The following CDH12 variants were observed in gnomAD, a reference collection of about 807,000 sequenced individuals.
The protein encoded by CDH12 is cadherin-12.
Under a neutral mutation model 74.1 loss-of-function variants are expected in CDH12, and 41 were observed. The observed-to-expected ratio is 0.55, with a 90% CI of 0.43 to 0.72. The LOEUF is 0.72. Ranked by LOEUF, CDH12 falls within the 30% of genes least tolerant of loss-of-function variation. CDH12 has a pLI of 0.00. For missense variants in CDH12, 945 were observed against 977.2 expected (o/e 0.97, Z 0.44); for synonymous variants, 399 against 355.0 (o/e 1.12, Z -1.39).
At chr5:22,648,198 T>C (rs1379630525) in intron 1 of CDH12, among the ~76,000 whole-genome samples, 3 of 151,958 alleles carry the variant, frequency 2.0e-5, no homozygotes, top group South Asian at 4.1e-4. Context: ...CGTTGGCAAT[T>C]CCAACACATC....
intron 1 of CDH12, among the ~76,000 whole-genome samples, chr5:22,643,292 C>A (rs1739247149): frequency 6.6e-6 from 1 of 152,192 alleles, no homozygotes; most frequent in Middle Eastern, 3.4e-3. Flanking sequence ...TGTCGACTTA[C>A]TATTGTGATT....
chr5:22,280,043 T>C (rs1176669844), intron 3 of CDH12, among the ~76,000 whole-genome samples: 1 of 152,130 alleles, frequency 6.6e-6, no homozygotes, highest in Non-Finnish European at 1.5e-5. Context: ...CACCTGTTGT[T>C]TCCTGACTTT....
chr5:22,601,491 G>C (rs774738377), intron 1 of CDH12, among the ~76,000 whole-genome samples: 3 of 152,024 alleles, frequency 2.0e-5, no homozygotes, highest in Non-Finnish European at 4.4e-5. Flanking sequence ...AATAAACTAT[G>C]AAATAGTAGA....
intron 9 of CDH12, among the ~76,000 whole-genome samples, chr5:21,813,998 A>G (rs1459092568): frequency 6.6e-6 from 1 of 152,150 alleles, no homozygotes; most frequent in Admixed American, 6.6e-5. Context: ...CCCTATCTCC[A>G]TAGTGGAGTC....
chr5:22,480,446 TG>T (rs997460776), intron 2 of CDH12, among the ~76,000 whole-genome samples: 1 of 151,622 alleles, frequency 6.6e-6, no homozygotes, highest in African/African-American at 2.4e-5. Context: ...GAGCCAGACA[TG>T]GTGGTGCATG....
chr5:22,781,452 C>A (rs755768114), intron 1 of CDH12, among the ~76,000 whole-genome samples: 2 of 152,102 alleles, frequency 1.3e-5, no homozygotes, highest in Non-Finnish European at 2.9e-5. Flanking sequence ...TATTTCATTT[C>A]TTTGGCTCTG....
At chr5:22,252,484 C>T (rs955920668) in intron 3 of CDH12, among the ~76,000 whole-genome samples, 4 of 151,648 alleles carry the variant, frequency 2.6e-5, no homozygotes, top group African/African-American at 7.3e-5. Context: ...TCTTTATTTT[C>T]CTCTTCCCAA....
At chr5:22,513,776 T>C (rs1736701909) in intron 1 of CDH12, among the ~76,000 whole-genome samples, 1 of 151,834 alleles carries the variant, frequency 6.6e-6, no homozygotes, top group South Asian at 2.1e-4. Flanking sequence ...TGAAACCCCA[T>C]CTCTACTAAA....
At chr5:22,247,677 A>AAAAAAG (rs1554023973) in intron 3 of CDH12, among the ~76,000 whole-genome samples, 2 of 151,698 alleles carry the variant, frequency 1.3e-5, no homozygotes, top group African/African-American at 2.4e-5. Flanking sequence ...TCCGTCAAAA[A>AAAAAAG]AAAAGAAAAG....
chr5:22,198,531 C>A (rs2036866539), intron 4 of CDH12, among the ~76,000 whole-genome samples: 1 of 151,962 alleles, frequency 6.6e-6, no homozygotes, highest in Non-Finnish European at 1.5e-5. Flanking sequence ...AGATACCTAG[C>A]AACTGGAATG....
chr5:22,414,811 T>A (rs558065048), intron 2 of CDH12, among the ~76,000 whole-genome samples: 12 of 151,902 alleles, frequency 7.9e-5, no homozygotes, highest in Non-Finnish European at 1.6e-4. Flanking sequence ...TGATAAAAAT[T>A]TTAATAGAAA....
chr5:22,077,032 T>C (rs1230083959), intron 5 of CDH12, among the ~76,000 whole-genome samples: 4 of 144,610 alleles, frequency 2.8e-5, no homozygotes, highest in Non-Finnish European at 6.0e-5. Flanking sequence ...TAGTTCATAG[T>C]TCTTGCTTAA....
chr5:22,147,895 G>T (rs1481468106), intron 4 of CDH12, among the ~76,000 whole-genome samples: 1 of 152,152 alleles, frequency 6.6e-6, no homozygotes, highest in Admixed American at 6.5e-5. Flanking sequence ...CAGCCAAGCT[G>T]TATCATTATC....
chr5:22,446,811 A>AT (rs1744833486), intron 2 of CDH12, among the ~76,000 whole-genome samples: 1 of 152,186 alleles, frequency 6.6e-6, no homozygotes, highest in South Asian at 2.1e-4. Context: ...GTCTGAAAAT[A>AT]TTTTTTCAAA....
intron 2 of CDH12, among the ~76,000 whole-genome samples, chr5:22,422,267 T>C (rs1271824023): frequency 6.6e-6 from 1 of 152,184 alleles, no homozygotes; most frequent in African/African-American, 2.4e-5. Context: ...GTTCCATTAA[T>C]ACCTAGTTTA....
intron 3 of CDH12, among the ~76,000 whole-genome samples, chr5:22,248,171 A>C (rs562229763): frequency 4.9e-4 from 74 of 152,200 alleles, no homozygotes; most frequent in Non-Finnish European, 9.3e-4. Flanking sequence ...GTGGTAGTGC[A>C]TGCCTGTAAT....
At position 22,562,461 on chromosome 5, in the gene CDH12, T is replaced by C. The variant is rs1325402410; in HGVS notation, c.-522-57097A>G. Among the ~76,000 whole-genome samples, 4 of 152,328 alleles carry C rather than the reference T, an allele frequency of 2.6e-5. No individual in the cohort carries two copies. The East Asian group carries it at 7.7e-4, about 29-fold the overall frequency. ...TTTCTGTCTAAAAATCATTTGCCTT[T>C]GTCTCTCCTTTGTCTCTCCTAATAA... On this transcript the variant is annotated intron_variant, in intron 1 of 14. Transcript: ENST00000382254.
At chr5:22,462,287 T>C (rs1745554641) in intron 2 of CDH12, among the ~76,000 whole-genome samples, 1 of 152,106 alleles carries the variant, frequency 6.6e-6, no homozygotes, top group Non-Finnish European at 1.5e-5. Context: ...ATGATAGAAA[T>C]GTGAGGGTCA....
intron 3 of CDH12, among the ~76,000 whole-genome samples, chr5:22,341,417 C>A (rs1739843566): frequency 6.6e-6 from 1 of 152,092 alleles, no homozygotes; most frequent in Admixed American, 6.5e-5. Flanking sequence ...TTAGAGCTAC[C>A]AAACTAAAAT....
Sources: allele counts gnomAD v4.1 joint callset (sites outside exome capture counted in the v4.1 genomes callset), GRCh38; gene constraint gnomAD v4.1.1; transcripts MANE v1.5; gene names NCBI Gene and HGNC (gene_info 2026-07-23, HGNC 2026-07-21).